DISC1: variants seen among roughly 807,000 people sequenced by gnomAD.
DISC1 encodes DISC1 scaffold protein.
DISC1 carries 57 observed loss-of-function variants against 84.5 expected under a neutral mutation model. That is an observed-to-expected ratio of 0.67 (90% CI 0.55 to 0.84). DISC1 has a LOEUF of 0.84. Among genes scored for constraint, DISC1 ranks in the 40% least tolerant of loss-of-function variants. The pLI is 0.00. For missense variants in DISC1, 1,000 were observed against 1,057.8 expected (o/e 0.95, Z 0.76); for synonymous variants, 411 against 415.2 (o/e 0.99, Z 0.12).
intron 9 of DISC1, among the ~76,000 whole-genome samples, chr1:231,834,025 G>T (rs2082435229): frequency 1.3e-5 from 2 of 152,200 alleles, no homozygotes; most frequent in South Asian, 2.1e-4. Context: ...AACGAGCCAT[G>T]AACTGGGCTG....
intron 9 of DISC1, among the ~76,000 whole-genome samples, chr1:231,832,482 A>C (rs1269406449): frequency 6.6e-6 from 1 of 152,246 alleles, no homozygotes; most frequent in African/African-American, 2.4e-5. Context: ...CAGGGAGAGC[A>C]TGTGTGTTTT....
At chr1:232,029,856 G>T (rs1039642383) in intron 12 of DISC1, among the ~76,000 whole-genome samples, 2 of 152,194 alleles carry the variant, frequency 1.3e-5, no homozygotes, top group African/African-American at 4.8e-5. Context: ...TTCCAAATAG[G>T]TCCTTGTGGC....
intron 3 of DISC1, among the ~76,000 whole-genome samples, chr1:231,725,783 G>C (rs529013865): frequency 6.6e-6 from 1 of 152,098 alleles, no homozygotes; most frequent in African/African-American, 2.4e-5. Flanking sequence ...AGTTAGTGCT[G>C]CCTGAGCTGG....
intron 3 of DISC1, among the ~76,000 whole-genome samples, chr1:231,727,824 G>A (rs969185389): frequency 6.6e-6 from 1 of 151,844 alleles, no homozygotes; most frequent in African/African-American, 2.4e-5. Flanking sequence ...GGTGGGTCAT[G>A]CCTTGCAATC....
intron 9 of DISC1, among the ~76,000 whole-genome samples, chr1:231,832,691 G>C (rs1228138466): frequency 6.8e-6 from 1 of 146,896 alleles, no homozygotes; most frequent in African/African-American, 2.5e-5. Flanking sequence ...AAGCATGTTT[G>C]AGATCCAGAA....
At chr1:231,938,936 T>C (rs1389313725) in intron 9 of DISC1, among the ~76,000 whole-genome samples, 1 of 152,170 alleles carries the variant, frequency 6.6e-6, no homozygotes, top group Non-Finnish European at 1.5e-5. Flanking sequence ...TCTGGATTCT[T>C]TCCTCTCTGT....
chr1:231,765,573 G>A (rs184276800), intron 4 of DISC1, among the ~76,000 whole-genome samples: 6 of 152,202 alleles, frequency 3.9e-5, no homozygotes, highest in East Asian at 3.9e-4. Context: ...AATTGTTGAC[G>A]TAGTTTTGCT....
intron 3 of DISC1, among the ~76,000 whole-genome samples, chr1:231,708,393 C>G (rs1371487919): frequency 6.6e-6 from 1 of 152,192 alleles, no homozygotes; most frequent in African/African-American, 2.4e-5. Context: ...ACAACGTTGA[C>G]TTTGTGTGTA....
chr1:231,742,086 A>T (rs1016984463), intron 3 of DISC1, among the ~76,000 whole-genome samples: 2 of 152,176 alleles, frequency 1.3e-5, no homozygotes, highest in Admixed American at 6.5e-5. Context: ...ACAATGGCCT[A>T]TGTGGCTCTG....
chr1:231,842,194 G>A (rs1422156710), intron 9 of DISC1, among the ~76,000 whole-genome samples: 1 of 152,028 alleles, frequency 6.6e-6, no homozygotes, highest in Non-Finnish European at 1.5e-5. Context: ...GTAGAGATAG[G>A]ATCTCTCTCT....
chr1:231,804,460 CTTT>C (rs559499171), intron 8 of DISC1, among the ~76,000 whole-genome samples: 6 of 140,056 alleles, frequency 4.3e-5, no homozygotes, highest in Admixed American at 1.5e-4. Context: ...ATCCCCCTTC[CTTT>C]TTTTTTTTTT....
At chr1:231,912,561 C>T (rs1256212266) in intron 9 of DISC1, among the ~76,000 whole-genome samples, 4 of 152,150 alleles carry the variant, frequency 2.6e-5, no homozygotes, top group East Asian at 1.9e-4. Flanking sequence ...CAGAGGGGCA[C>T]CTGGCCATAT....
intron 1 of DISC1, among the ~76,000 whole-genome samples, chr1:231,645,959 A>C (rs2060092220): frequency 6.6e-6 from 1 of 151,886 alleles, no homozygotes; most frequent in Admixed American, 6.6e-5. Flanking sequence ...ACTACAGAGA[A>C]GAAAAACAAG....
At chr1:231,671,210 G>C (rs1366777629) in intron 1 of DISC1, among the ~76,000 whole-genome samples, 1 of 151,518 alleles carries the variant, frequency 6.6e-6, no homozygotes, top group African/African-American at 2.4e-5. Context: ...GGTTTAGTTT[G>C]GTTTCCTATT....
intron 6 of DISC1, among the ~76,000 whole-genome samples, chr1:231,783,962 G>T (rs200607053): frequency 2.6e-5 from 4 of 151,974 alleles, no homozygotes; most frequent in African/African-American, 4.8e-5. Context: ...AGGGTTCATG[G>T]TCTTATAAAA....
chr1:231,631,519 G>A (rs570503950), intron 1 of DISC1, among the ~76,000 whole-genome samples: 1 of 152,200 alleles, frequency 6.6e-6, no homozygotes, highest in Non-Finnish European at 1.5e-5. Context: ...GGGACAAGGT[G>A]TGGAGGTGGA....
chr1:231,936,531 G>T (rs1450209375), intron 9 of DISC1, among the ~76,000 whole-genome samples: 4 of 152,164 alleles, frequency 2.6e-5, no homozygotes, highest in Non-Finnish European at 5.9e-5. Context: ...TTTTATTTGT[G>T]GAAGGTAGAT....
chr1:231,824,028 C>T (rs1180741414), intron 9 of DISC1, among the ~76,000 whole-genome samples: 1 of 152,130 alleles, frequency 6.6e-6, no homozygotes, highest in Non-Finnish European at 1.5e-5. Flanking sequence ...CGGCATCTTC[C>T]AATTTCTGAC....
intron 10 of DISC1, among the ~76,000 whole-genome samples, chr1:231,979,974 T>A (rs200552462): frequency 2.6e-5 from 4 of 152,122 alleles, no homozygotes; most frequent in Non-Finnish European, 5.9e-5. Context: ...GCTTATTAGT[T>A]TTATTTTGCT....
Sources: gnomAD v4.1 joint callset for allele counts (sites outside exome capture counted in the v4.1 genomes callset) on GRCh38, gnomAD v4.1.1 for gene constraint, MANE v1.5 for transcripts, NCBI Gene and HGNC (gene_info 2026-07-23, HGNC 2026-07-21) for gene names.